Variants in PRKAR1B observed in about 807,000 individuals in gnomAD.
The protein encoded by PRKAR1B is protein kinase cAMP-dependent type I regulatory subunit beta.
Under a neutral mutation model 46.5 loss-of-function variants are expected in PRKAR1B, and 22 were observed. The observed-to-expected ratio is 0.47, with a 90% CI of 0.34 to 0.68. The LOEUF is 0.68. Ranked by LOEUF, PRKAR1B falls within the 30% of genes least tolerant of loss-of-function variation. The pLI, the probability that PRKAR1B is intolerant of heterozygous loss-of-function variation, is 0.01. For synonymous variants in PRKAR1B, 259 were observed against 217.7 expected (o/e 1.19, Z -1.67); for missense variants, 445 against 535.6 (o/e 0.83, Z 1.67).
intron 2 of PRKAR1B, among the ~76,000 whole-genome samples, chr7:696,224 A>G (rs1779731547): frequency 6.6e-6 from 1 of 151,738 alleles, no homozygotes; most frequent in Non-Finnish European, 1.5e-5. Context: ...TGACCTCCCA[A>G]AGTGCTGGGA....
intron 4 of PRKAR1B, among the ~76,000 whole-genome samples, chr7:616,396 C>T (rs1036454264): frequency 4.6e-5 from 7 of 152,252 alleles, no homozygotes; most frequent in Non-Finnish European, 1.0e-4. Flanking sequence ...ACCACCTGTG[C>T]CCACCAGGCC....
chr7:686,314 A>T (rs1386042387), intron 2 of PRKAR1B, among the ~76,000 whole-genome samples: 1 of 152,082 alleles, frequency 6.6e-6, no homozygotes, highest in Non-Finnish European at 1.5e-5. Flanking sequence ...AAAAAAAAAA[A>T]TGGAGAATTA....
chr7:664,587 A>G (rs1785800818), intron 4 of PRKAR1B, among the ~76,000 whole-genome samples: 1 of 152,188 alleles, frequency 6.6e-6, no homozygotes, highest in South Asian at 2.1e-4. Context: ...CGGAGACCAC[A>G]CACCACCAAA....
chr7:680,485 C>A, intron 3 of PRKAR1B, 71 bp downstream of exon 3: 2 of 1,456,878 alleles, frequency 1.4e-6, no homozygotes, highest in East Asian at 2.5e-5. Flanking sequence ...CCGTGGGCTT[C>A]CAGGGAGCTC....
Position 685,372 on chromosome 7 carries a change from A to T in PRKAR1B, c.178-4646T>A, listed in dbSNP as rs1194006281. Among the ~76,000 whole-genome samples, 10 of 25,622 alleles carry T rather than the reference A, an allele frequency of 3.9e-4. 3 individuals are homozygous for T. Among genetic ancestry groups the T allele is most frequent in the African/African-American group, 1.9e-3 (10 of 5,248 alleles). 16.8% of individuals were successfully genotyped at this position (25,622 alleles called of 152,430 possible). A position where few individuals can be genotyped will look rare whatever the true frequency, so the allele number is the denominator to read the frequency against. On this transcript the variant is annotated intron_variant, in intron 2 of 10. Transcript: ENST00000537384. ...TGTATACATATATATATACACATATATATATATACATACATATATATATAT... is the reference window on the plus strand; with the variant it reads ...TGTATACATATATATATACACATATTTATATATACATACATATATATATAT...
intron 6 of PRKAR1B, among the ~76,000 whole-genome samples, chr7:599,684 G>A (rs1781482011): frequency 6.6e-6 from 1 of 152,256 alleles, no homozygotes; most frequent in African/African-American, 2.4e-5. Flanking sequence ...GCTCACACCT[G>A]GCTCTGCCCT....
In PRKAR1B at chr7:560,349, G is replaced by A. The variant is rs186939080; in HGVS notation, c.892-8879C>T. Among the ~76,000 whole-genome samples the A allele has an allele frequency of 5.0e-3, 636 of 126,572 alleles. 6 individuals are homozygous for A. Among genetic ancestry groups the A allele is most frequent in the Middle Eastern group, 0.02 (5 of 252 alleles). The allele number at this position is 126,572 out of a possible 152,430, so 83.0% of individuals were successfully genotyped here. On this transcript the variant is annotated intron_variant, in intron 9 of 10. Transcript: ENST00000537384. The surrounding 1 kb of genome is among the most constrained non-coding windows in gnomAD (Gnocchi z 4.2). Reference sequence around the variant, plus strand: ...CATTTCTTCATAGCAGTGTTAGAATGAACTAATACAAATAATAATAATAAT... The same window carrying A: ...CATTTCTTCATAGCAGTGTTAGAATAAACTAATACAAATAATAATAATAAT...
chr7:713,745 C>T (rs1345919326), intron 1 of PRKAR1B, among the ~76,000 whole-genome samples: 1 of 152,260 alleles, frequency 6.6e-6, no homozygotes, highest in African/African-American at 2.4e-5. Context: ...TGCACAGGCA[C>T]TACACAGGTC....
chr7:694,331 G>A (rs1342346864), intron 2 of PRKAR1B, among the ~76,000 whole-genome samples: 2 of 151,414 alleles, frequency 1.3e-5, no homozygotes, highest in Non-Finnish European at 2.9e-5. Context: ...ATGGCCCACA[G>A]AGGGCTAGAG....
chr7:553,195 A>G (rs570974120), intron 9 of PRKAR1B, among the ~76,000 whole-genome samples: 1 of 152,210 alleles, frequency 6.6e-6, no homozygotes, highest in African/African-American at 2.4e-5. Context: ...TCCCGCTGAC[A>G]CTAGAGCCGC....
At chr7:665,887 G>C (rs1583386230) in intron 4 of PRKAR1B, among the ~76,000 whole-genome samples, 1 of 152,334 alleles carries the variant, frequency 6.6e-6, no homozygotes, top group African/African-American at 2.4e-5. Context: ...GGGAGGAAGA[G>C]AAACAGCGAC....
At chr7:576,393 C>G (rs1008149768) in intron 9 of PRKAR1B, among the ~76,000 whole-genome samples, 1 of 152,208 alleles carries the variant, frequency 6.6e-6, no homozygotes, top group South Asian at 2.1e-4. Flanking sequence ...CACTGTTGAA[C>G]GAGTCCTCTA....
In PRKAR1B at chr7:644,373, C is replaced by G. The variant is rs889229541; in HGVS notation, c.440+32856G>C. Among the ~76,000 whole-genome samples, 1 of 152,182 alleles carries G rather than the reference C, an allele frequency of 6.6e-6. No individual in the cohort carries two copies. Among genetic ancestry groups the G allele is most frequent in the Non-Finnish European group, 1.5e-5 (1 of 68,034 alleles). On this transcript the variant is annotated intron_variant, in intron 4 of 10. Coordinates refer to ENST00000537384, the MANE Select transcript of PRKAR1B (RefSeq NM_001164760.2). The surrounding 1 kb of genome is among the most constrained non-coding windows in gnomAD (Gnocchi z 4.9). Reference sequence around the variant, plus strand: ...ACAATGAGGTGGGGAAACTGAGGCGCGCACATTCGGAACGGGGTTTTGCTC... The same window carrying G: ...ACAATGAGGTGGGGAAACTGAGGCGGGCACATTCGGAACGGGGTTTTGCTC...
intron 4 of PRKAR1B, among the ~76,000 whole-genome samples, chr7:657,563 G>T (rs944346486): frequency 2.0e-5 from 3 of 152,160 alleles, no homozygotes; most frequent in African/African-American, 7.2e-5. Flanking sequence ...AAAGCTATGG[G>T]GGTGGTGGAC....
intron 7 of PRKAR1B, among the ~76,000 whole-genome samples, chr7:586,608 G>C (rs1780614977): frequency 6.6e-6 from 1 of 152,210 alleles, no homozygotes. Context: ...CCGAGCAGCT[G>C]CTTCCTCCAT....
At chr7:693,736 G>C (rs1303467874) in intron 2 of PRKAR1B, among the ~76,000 whole-genome samples, 1 of 152,156 alleles carries the variant, frequency 6.6e-6, no homozygotes, top group Non-Finnish European at 1.5e-5. Flanking sequence ...TTGAAGACCT[G>C]TTCTCAATTC....
chr7:665,740 G>T (rs1480173972), intron 4 of PRKAR1B, among the ~76,000 whole-genome samples: 1 of 152,236 alleles, frequency 6.6e-6, no homozygotes, highest in African/African-American at 2.4e-5. Flanking sequence ...AATGGGGAGA[G>T]GGGGCCGTGA....
In PRKAR1B at chr7:582,278, GGA is replaced by G. The variant is rs1780230631; in HGVS notation, c.769+2228_769+2229del. ...CTAGGGGCCGAGCCCTGCGCGTTCA[GGA>G]GAAAGCGGGGTCCCAGGAGCATCCA... On this transcript the variant is annotated intron_variant, in intron 8 of 10. Transcript: ENST00000537384. 2.6e-5 allele frequency among the ~76,000 whole-genome samples: 4 copies of G among 152,390 alleles called. No homozygotes were observed. The South Asian group carries it at 8.3e-4, about 32-fold the overall frequency.
intron 1 of PRKAR1B, among the ~76,000 whole-genome samples, chr7:720,078 G>A (rs1335084433): frequency 7.3e-6 from 1 of 136,704 alleles, no homozygotes; most frequent in Non-Finnish European, 1.6e-5. Flanking sequence ...TTTTTTGAGA[G>A]GGAGTTTCAC....
Sources: allele counts gnomAD v4.1 joint callset (sites outside exome capture counted in the v4.1 genomes callset), GRCh38; gene constraint gnomAD v4.1.1; non-coding constraint Gnocchi (gnomAD v3.1); transcripts MANE v1.5; gene names NCBI Gene and HGNC (gene_info 2026-07-23, HGNC 2026-07-21).